Variants in STS observed in about 807,000 individuals in gnomAD.
STS encodes the protein steroid sulfatase, also known as steryl-sulfatase.
A neutral mutation model predicts 26.8 loss-of-function variants in STS; 7 were observed. The observed-to-expected ratio is 0.26, with a 90% CI of 0.15 to 0.49. STS has a LOEUF of 0.49. Among genes scored for constraint, STS ranks in the 20% least tolerant of loss-of-function variants. The pLI is 0.98. For synonymous variants in STS, 199 were observed against 189.4 expected (o/e 1.05, Z -0.42); for missense variants, 434 against 465.6 (o/e 0.93, Z 0.63).
At chrX:7,324,863 C>T (rs1308063531) in intron 8 of STS, among the ~76,000 whole-genome samples, 1 of 111,719 alleles carries the variant, frequency 9.0e-6, no homozygotes, top group African/African-American at 3.3e-5. Context: ...GGGTAATCTC[C>T]TCATCTCAAA....
intron 6 of STS, among the ~76,000 whole-genome samples, chrX:7,263,026 C>G (rs1923820639): frequency 8.9e-6 from 1 of 111,943 alleles, no homozygotes; most frequent in African/African-American, 3.2e-5. Flanking sequence ...GACAGAAGTC[C>G]CATGAGATTA....
In STS at chrX:7,148,016, C is replaced by G; in HGVS notation, c.-201C>G. The G allele has an allele frequency of 9.2e-7, 1 of 1,089,228 alleles. No homozygotes were observed. Among genetic ancestry groups the G allele is most frequent in the Non-Finnish European group, 1.2e-6 (1 of 813,942 alleles). 89.8% of individuals were successfully genotyped at this position (1,089,228 alleles called of 1,213,427 possible). On this transcript the variant is annotated 5_prime_UTR_variant, in exon 1 of 11. Transcript: ENST00000674429. Reference sequence around the variant, plus strand: ...CGACCGTCCCCACGCCCACACAAGACCGCCCTTACTGGAGGCGGCGGCTGC... The same window carrying G: ...CGACCGTCCCCACGCCCACACAAGAGCGCCCTTACTGGAGGCGGCGGCTGC...
At chrX:7,349,216 C>G (rs947575453) in intron 10 of STS, among the ~76,000 whole-genome samples, 6 of 101,498 alleles carry the variant, frequency 5.9e-5, no homozygotes, top group African/African-American at 2.2e-4. Context: ...TGGTCTCAAA[C>G]CCCTACCTAG....
chrX:7,292,963 A>T (rs1198175693), intron 7 of STS, among the ~76,000 whole-genome samples: 3 of 111,603 alleles, frequency 2.7e-5, no homozygotes, highest in Admixed American at 9.6e-5. Flanking sequence ...ACAGCATGGT[A>T]CTGGTACCAC....
chrX:7,324,207 C>G (rs755698736), intron 8 of STS, among the ~76,000 whole-genome samples: 11 of 110,369 alleles, frequency 1.0e-4, no homozygotes, highest in Non-Finnish European at 2.1e-4. Context: ...TAGGTGGACT[C>G]AAAGAATTTC....
chrX:7,286,907 A>G (rs756386409), intron 7 of STS, among the ~76,000 whole-genome samples: 21 of 112,094 alleles, frequency 1.9e-4, no homozygotes, highest in Non-Finnish European at 3.8e-4. Context: ...ACTCCTTTTC[A>G]TTACTGCAGG....
intron 6 of STS, among the ~76,000 whole-genome samples, chrX:7,266,545 T>A (rs1267744906): frequency 1.8e-5 from 2 of 112,078 alleles, no homozygotes; most frequent in Non-Finnish European, 3.8e-5. Flanking sequence ...GATAAATTTA[T>A]CTGGGGGAGA....
Position 7,260,487 on chromosome X carries a change from C to T in STS, c.806+715C>T, listed in dbSNP as rs1302932063. Among the ~76,000 whole-genome samples, 18 of 111,642 alleles carry T rather than the reference C, an allele frequency of 1.6e-4. No homozygotes were observed. The Admixed American group carries it at 1.7e-3, about 11-fold the overall frequency. On this transcript the variant is annotated intron_variant, in intron 6 of 10. Coordinates refer to ENST00000674429, the MANE Select transcript of STS (RefSeq NM_001320752.2). ...GTGGTGCGATCTTGGCTCACTGCAA[C>T]CTCCACCTCCCAGGTTCAAGTGATT...
At chrX:7,231,921 C>T (rs1415779776) in intron 2 of STS, among the ~76,000 whole-genome samples, 1 of 109,174 alleles carries the variant, frequency 9.2e-6, no homozygotes, top group East Asian at 2.9e-4. Flanking sequence ...TCGCCACTCA[C>T]CCATGACAAT....
intron 9 of STS, among the ~76,000 whole-genome samples, chrX:7,327,842 T>G (rs1306867770): frequency 8.9e-6 from 1 of 112,235 alleles, no homozygotes; most frequent in Non-Finnish European, 1.9e-5. Context: ...AAAGAAGGCA[T>G]GAATGTTTGC....
intron 10 of STS, among the ~76,000 whole-genome samples, chrX:7,342,074 A>C (rs1390759780): frequency 9.0e-6 from 1 of 111,628 alleles, no homozygotes; most frequent in Admixed American, 9.5e-5. Context: ...CGGCCTCCCA[A>C]AGTGCTGGGA....
chrX:7,168,961 A>G (rs1933407248), intron 1 of STS, among the ~76,000 whole-genome samples: 1 of 111,618 alleles, frequency 9.0e-6, no homozygotes, highest in Non-Finnish European at 1.9e-5. Flanking sequence ...AGCTTTGATC[A>G]TCTCTTTTCT....
At chrX:7,330,179 A>G (rs778135904) in intron 9 of STS, among the ~76,000 whole-genome samples, 56 of 112,052 alleles carry the variant, frequency 5.0e-4, no homozygotes, top group African/African-American at 1.7e-3. Flanking sequence ...CTTTTGTGTT[A>G]CAAAAGGCAG....
chrX:7,330,386 G>A (rs955077436), intron 9 of STS, among the ~76,000 whole-genome samples: 2 of 111,723 alleles, frequency 1.8e-5, no homozygotes, highest in Non-Finnish European at 3.8e-5. Flanking sequence ...TACACCTTTT[G>A]GAAAACATCA....
At chrX:7,183,008 C>T (rs1263153592) in intron 1 of STS, among the ~76,000 whole-genome samples, 2 of 111,849 alleles carry the variant, frequency 1.8e-5, no homozygotes, top group Non-Finnish European at 3.8e-5. Flanking sequence ...AGAAGACACT[C>T]GCGGAGGCAT....
chrX:7,313,057 C>G, intron 8 of STS, among the ~76,000 whole-genome samples: 1 of 112,332 alleles, frequency 8.9e-6, no homozygotes, highest in South Asian at 3.7e-4. Flanking sequence ...TTCCATCCCT[C>G]TCCCAAGTCA....
At chrX:7,229,180 C>G (rs889668440) in intron 2 of STS, among the ~76,000 whole-genome samples, 1 of 111,934 alleles carries the variant, frequency 8.9e-6, no homozygotes, top group South Asian at 3.7e-4. Context: ...TAGTGGAGAC[C>G]GAGTCAGTCA....
At chrX:7,304,906 G>A (rs1452115974) in intron 7 of STS, 140 bp from the exon 8 acceptor site, 5 of 700,790 alleles carry the variant, frequency 7.1e-6, no homozygotes, top group African/African-American at 2.1e-5. Flanking sequence ...ATTGCATCAC[G>A]TCTCATGCTG....
chrX:7,181,180 A>G (rs1933673496), intron 1 of STS, among the ~76,000 whole-genome samples: 1 of 112,513 alleles, frequency 8.9e-6, no homozygotes, highest in South Asian at 3.7e-4. Flanking sequence ...TCATTTTTCA[A>G]TGGAATTGTT....
Sources: gnomAD v4.1 joint callset for allele counts (sites outside exome capture counted in the v4.1 genomes callset) on GRCh38, gnomAD v4.1.1 for gene constraint, MANE v1.5 for transcripts, NCBI Gene and HGNC (gene_info 2026-07-23, HGNC 2026-07-21) for gene names.